The following DNAJC1 variants were observed in gnomAD, a reference collection of about 807,000 sequenced individuals.
DNAJC1 encodes DnaJ heat shock protein family (Hsp40) member C1.
Under a neutral mutation model 76.6 loss-of-function variants are expected in DNAJC1, and 58 were observed. The ratio of observed to expected loss-of-function variants is 0.76; its 90% CI spans 0.61 to 0.94. The LOEUF (loss-of-function observed/expected upper bound fraction) is 0.94, where lower values mean the gene tolerates loss of function less well. DNAJC1 is among the 40% of genes least tolerant of loss of function. DNAJC1 has a pLI of 0.00. For synonymous variants in DNAJC1, 258 were observed against 267.9 expected (o/e 0.96, Z 0.36); for missense variants, 689 against 677.3 (o/e 1.02, Z -0.19).
At chr10:21,944,223 T>C (rs985128349) in intron 1 of DNAJC1, among the ~76,000 whole-genome samples, 12 of 151,830 alleles carry the variant, frequency 7.9e-5, no homozygotes, top group African/African-American at 2.9e-4. Context: ...TTTTACAGCA[T>C]GTAAAAAGAC....
At chr10:21,861,415 T>A (rs1003948269) in intron 8 of DNAJC1, among the ~76,000 whole-genome samples, 1 of 152,130 alleles carries the variant, frequency 6.6e-6, no homozygotes, top group African/African-American at 2.4e-5. Context: ...TAATATTATA[T>A]ATAAATGAAT....
At chr10:21,986,949 G>T (rs1404587368) in intron 1 of DNAJC1, among the ~76,000 whole-genome samples, 1 of 151,990 alleles carries the variant, frequency 6.6e-6, no homozygotes, top group Non-Finnish European at 1.5e-5. Context: ...TGTATTTTTA[G>T]TAGAGACGGG....
intron 1 of DNAJC1, among the ~76,000 whole-genome samples, chr10:21,937,152 T>TA (rs1339825886): frequency 1.3e-5 from 2 of 152,136 alleles, no homozygotes; most frequent in South Asian, 2.1e-4. Flanking sequence ...TTTAAAGACT[T>TA]ACTGCAAGTG....
chr10:21,927,829 A>AG (rs1271102994), intron 3 of DNAJC1, among the ~76,000 whole-genome samples: 1 of 152,134 alleles, frequency 6.6e-6, no homozygotes, highest in Non-Finnish European at 1.5e-5. Context: ...TCTCCTCTTA[A>AG]GTCACTGGCA....
intron 1 of DNAJC1, among the ~76,000 whole-genome samples, chr10:21,998,763 A>G (rs926348307): frequency 6.6e-6 from 1 of 152,242 alleles, no homozygotes; most frequent in Non-Finnish European, 1.5e-5. Flanking sequence ...CTGCTGCCTG[A>G]AGGCTGTGAA....
intron 8 of DNAJC1, among the ~76,000 whole-genome samples, chr10:21,844,250 G>A (rs540301565): frequency 7.9e-5 from 12 of 151,308 alleles, no homozygotes; most frequent in Non-Finnish European, 1.3e-4. Flanking sequence ...ACAGCTGTGC[G>A]CCACCACACC....
chr10:21,946,349 T>A (rs1484643880), intron 1 of DNAJC1, among the ~76,000 whole-genome samples: 1 of 152,014 alleles, frequency 6.6e-6, no homozygotes. Context: ...ACATTTTATA[T>A]CCAAATGGCC....
intron 8 of DNAJC1, among the ~76,000 whole-genome samples, chr10:21,853,063 A>ACC (rs942179389): frequency 1.3e-5 from 2 of 152,162 alleles, no homozygotes; most frequent in Admixed American, 1.3e-4. Context: ...GCATGTCAAT[A>ACC]CCCCATTCCT....
In DNAJC1 at chr10:22,003,656, C is replaced by A. The variant is rs867204985; in HGVS notation, c.-222G>T. On this transcript the variant is annotated 5_prime_UTR_variant, in exon 1 of 12. Coordinates refer to ENST00000376980, the MANE Select transcript of DNAJC1 (RefSeq NM_022365.4). ...TAGGCGGGCGGGGCCGCAGCCAGCG[C>A]TACGTTCCGAAGACCCTCGCCCCCA... is the stretch of plus-strand genomic sequence containing the variant. 4.5e-5 allele frequency: 20 copies of A among 447,412 alleles called. No homozygotes were observed. Among genetic ancestry groups the A allele is most frequent in the Middle Eastern group, 6.1e-4 (1 of 1,648 alleles). The allele number at this position is 447,412 out of a possible 1,614,324, so 27.7% of individuals were successfully genotyped here.
At position 21,808,832 on chromosome 10, in the gene DNAJC1, A is replaced by G. The variant is rs1240632836; in HGVS notation, c.979-2733T>C. 4.6e-5 allele frequency among the ~76,000 whole-genome samples: 7 copies of G among 152,350 alleles called. No homozygotes were observed. The East Asian group carries it at 1.3e-3, about 29-fold the overall frequency. The stretch of plus-strand genomic sequence containing the variant: ...AACACCGGGCCAAATATTCATCTCT[A>G]CAGTAAAGTAATGGAAGATACCACA... On this transcript the variant is annotated intron_variant, in intron 8 of 11. Coordinates refer to ENST00000376980, the MANE Select transcript of DNAJC1 (RefSeq NM_022365.4).
chr10:21,805,217 A>C (rs1226398776), intron 9 of DNAJC1, among the ~76,000 whole-genome samples: 1 of 152,132 alleles, frequency 6.6e-6, no homozygotes, highest in East Asian at 1.9e-4. Context: ...AATTTAGTAA[A>C]GCATATTTAC....
At chr10:21,863,160 C>T (rs1465834249) in intron 8 of DNAJC1, among the ~76,000 whole-genome samples, 2 of 151,448 alleles carry the variant, frequency 1.3e-5, no homozygotes, top group Non-Finnish European at 2.9e-5. Context: ...AAACAAAAAA[C>T]CCAGACTAAG....
chr10:21,823,956 G>A (rs1254997889), intron 8 of DNAJC1, among the ~76,000 whole-genome samples: 1 of 152,064 alleles, frequency 6.6e-6, no homozygotes, highest in Admixed American at 6.6e-5. Flanking sequence ...CAATACATGA[G>A]AATAAAAACT....
intron 8 of DNAJC1, among the ~76,000 whole-genome samples, chr10:21,817,086 G>A (rs1835089526): frequency 1.3e-5 from 2 of 148,198 alleles, no homozygotes; most frequent in Admixed American, 6.7e-5. Context: ...CCTGAACCCG[G>A]GAGGTGGAGC....
At chr10:21,831,830 G>A (rs529761736) in intron 8 of DNAJC1, among the ~76,000 whole-genome samples, 4 of 151,072 alleles carry the variant, frequency 2.6e-5, no homozygotes, top group East Asian at 1.9e-4. Flanking sequence ...TTCTTGGAAC[G>A]GTCATTCATA....
rs934593780 is a variant in DNAJC1, at chr10:21,761,360, G to A, written c.1148-1742C>T. ...GGATCCCCTGAGGTCAGGAGTTCGAGACCAGCCTGGCCAACATGGTGAAAC... is the reference window on the plus strand; with the variant it reads ...GGATCCCCTGAGGTCAGGAGTTCGAAACCAGCCTGGCCAACATGGTGAAAC... On this transcript the variant is annotated intron_variant, in intron 10 of 11. Coordinates refer to ENST00000376980, the MANE Select transcript of DNAJC1 (RefSeq NM_022365.4). Among the ~76,000 whole-genome samples, 6 of 152,220 alleles carry A rather than the reference G, an allele frequency of 3.9e-5. No homozygotes were observed. In the South Asian group the frequency reaches 1.2e-3, roughly 32 times the overall value.
intron 8 of DNAJC1, among the ~76,000 whole-genome samples, chr10:21,838,550 C>T (rs1835512043): frequency 6.6e-6 from 1 of 152,106 alleles, no homozygotes; most frequent in African/African-American, 2.4e-5. Context: ...TATCTGCTGA[C>T]CTTCCCTCCA....
intron 3 of DNAJC1, among the ~76,000 whole-genome samples, chr10:21,921,866 C>T (rs74858235): frequency 0.035 from 5,265 of 152,098 alleles, 157 homozygotes; most frequent in African/African-American, 0.067. Context: ...ACATTTATGA[C>T]TGTAAAACTC....
intron 8 of DNAJC1, among the ~76,000 whole-genome samples, chr10:21,818,263 G>A (rs901475349): frequency 8.5e-5 from 13 of 152,080 alleles, no homozygotes; most frequent in African/African-American, 3.1e-4. Flanking sequence ...GATGAAATAA[G>A]CCCCAGTCTC....
Sources: allele counts gnomAD v4.1 joint callset (sites outside exome capture counted in the v4.1 genomes callset), GRCh38; gene constraint gnomAD v4.1.1; transcripts MANE v1.5; gene names NCBI Gene and HGNC (gene_info 2026-07-23, HGNC 2026-07-21).